The following BOLL variants were observed in gnomAD, a reference collection of about 807,000 sequenced individuals.
BOLL encodes the protein boule RNA binding protein.
In BOLL, 23 loss-of-function variants were observed where a neutral mutation model predicts 44.4. The ratio of observed to expected loss-of-function variants is 0.52; its 90% CI spans 0.37 to 0.73. The LOEUF (loss-of-function observed/expected upper bound fraction) is 0.73, where lower values mean the gene tolerates loss of function less well. Among genes scored for constraint, BOLL ranks in the 30% least tolerant of loss-of-function variants. The probability of loss-of-function intolerance (pLI) is 0.00; values close to 1 mark genes in which losing one functional copy is unlikely to be tolerated. For synonymous variants in BOLL, 97 were observed against 110.8 expected (o/e 0.88, Z 0.78); for missense variants, 287 against 338.3 (o/e 0.85, Z 1.19).
intron 8 of BOLL, 64 bp from the exon 9 acceptor site, chr2:197,756,620 T>G: frequency 1.4e-6 from 2 of 1,440,290 alleles, no homozygotes; most frequent in Non-Finnish European, 1.9e-6. Flanking sequence ...ACCAAATGAC[T>G]TAGCCAACAG....
In BOLL at chr2:197,785,304, G is replaced by C. The variant is rs886228417; in HGVS notation, c.-264C>G. ...CCTCAACGGCAGCGACCCCGCCGCT[G>C]GCCTCGTGCGCAGCTGGTCCCCACC... On this transcript the variant is annotated 5_prime_UTR_variant, in exon 1 of 11. Coordinates refer to ENST00000392296, the MANE Select transcript of BOLL (RefSeq NM_033030.6). The surrounding 1 kb of genome is among the most constrained non-coding windows in gnomAD (Gnocchi z 6.7). 9 of 985,534 alleles carry C rather than the reference G, an allele frequency of 9.1e-6. No homozygotes were observed. The African/African-American group carries it at 1.6e-4, about 17-fold the overall frequency. 61.0% of individuals were successfully genotyped at this position (985,534 alleles called of 1,614,324 possible).
In BOLL at chr2:197,731,587, A is replaced by G. The variant is rs796801408; in HGVS notation, c.829-3009T>C. ...AAGTAAAGCTCTCCTCAGCAAATGT[A>G]AAAGAACAGAAATTATAACAAACTA... On this transcript the variant is annotated intron_variant, in intron 10 of 10. Transcript: ENST00000392296. Among the ~76,000 whole-genome samples, 91 of 123,556 alleles carry G rather than the reference A, an allele frequency of 7.4e-4. 2 individuals carry two copies. Among genetic ancestry groups the G allele is most frequent in the Middle Eastern group, 7.4e-3 (2 of 270 alleles). The allele number at this position is 123,556 out of a possible 152,430, so 81.1% of individuals were successfully genotyped here.
intron 9 of BOLL, among the ~76,000 whole-genome samples, chr2:197,745,696 G>A (rs1271603961): frequency 6.6e-6 from 1 of 152,140 alleles, no homozygotes; most frequent in African/African-American, 2.4e-5. Flanking sequence ...AAATGCCTAT[G>A]ACTCCCAAAC....
intron 10 of BOLL, among the ~76,000 whole-genome samples, chr2:197,733,438 C>A (rs1190792802): frequency 6.6e-6 from 1 of 151,138 alleles, no homozygotes; most frequent in Non-Finnish European, 1.5e-5. Flanking sequence ...CAATGACTTT[C>A]TTCACAGAAT....
At position 197,785,101 on chromosome 2, in the gene BOLL, A is replaced by T; in HGVS notation, c.-61T>A. 1.0e-6 allele frequency: 1 copy of T among 985,990 alleles called. No homozygotes were observed. Among genetic ancestry groups the T allele is most frequent in the Non-Finnish European group, 1.2e-6 (1 of 829,930 alleles). 61.1% of individuals were successfully genotyped at this position (985,990 alleles called of 1,614,324 possible). A position where few individuals can be genotyped will look rare whatever the true frequency, so the allele number is the denominator to read the frequency against. The stretch of plus-strand genomic sequence containing the variant: ...CGCTCCTCCCCCTCCAAGGCCAGCA[A>T]GTTGCGGCACTGGGGGAAATGGCCG... On this transcript the variant is annotated 5_prime_UTR_variant, in exon 1 of 11. It adds an upstream start codon to the 5' untranslated region. Transcript: ENST00000392296. The surrounding 1 kb of genome is among the most constrained non-coding windows in gnomAD (Gnocchi z 6.7).
At chr2:197,775,821 G>T in intron 4 of BOLL, 81 bp from the exon 5 acceptor site, 1 of 820,504 alleles carries the variant, frequency 1.2e-6, no homozygotes, top group Non-Finnish European at 1.8e-6. Context: ...TAGTTAGAAA[G>T]AATTTCAAAA....
chr2:197,757,604 T>C (rs1210491983), intron 7 of BOLL, among the ~76,000 whole-genome samples: 1 of 152,042 alleles, frequency 6.6e-6, no homozygotes, highest in Non-Finnish European at 1.5e-5. Context: ...AAAACATAGG[T>C]GTAAATGCCT....
intron 7 of BOLL, chr2:197,759,023 A>T: frequency 6.5e-7 from 1 of 1,533,330 alleles, no homozygotes; most frequent in East Asian, 2.4e-5. Context: ...AAAAAAAGAG[A>T]GGCATGATGT....
intron 3 of BOLL, among the ~76,000 whole-genome samples, chr2:197,778,097 T>G (rs2106388127): frequency 6.6e-6 from 1 of 152,078 alleles, no homozygotes; most frequent in East Asian, 1.9e-4. Flanking sequence ...GCAAATTCTG[T>G]TAGTCAAACA....
chr2:197,772,544 C>T (rs1689313948), intron 5 of BOLL, among the ~76,000 whole-genome samples: 1 of 151,862 alleles, frequency 6.6e-6, no homozygotes, highest in African/African-American at 2.4e-5. Context: ...TGTCTTTTAT[C>T]TCTCTTTTCT....
intron 7 of BOLL, among the ~76,000 whole-genome samples, chr2:197,758,302 T>C (rs1196629142): frequency 6.6e-6 from 1 of 152,188 alleles, no homozygotes. Flanking sequence ...AGTGTATCCA[T>C]ACAATGGGAT....
chr2:197,743,268 TA>T, intron 9 of BOLL, 109 bp from the exon 10 acceptor site: 1 of 647,632 alleles, frequency 1.5e-6, no homozygotes, highest in Non-Finnish European at 2.4e-6. Flanking sequence ...TAGAAACAGT[TA>T]AAAACACATG....
chr2:197,733,976 C>T (rs1574798980), intron 10 of BOLL, among the ~76,000 whole-genome samples: 1 of 152,052 alleles, frequency 6.6e-6, no homozygotes, highest in Non-Finnish European at 1.5e-5. Flanking sequence ...TCTAATTAAA[C>T]TCAAGAGCTT....
At chr2:197,733,493 C>T (rs547175564) in intron 10 of BOLL, among the ~76,000 whole-genome samples, 32 of 151,294 alleles carry the variant, frequency 2.1e-4, no homozygotes, top group Non-Finnish European at 2.2e-4. Flanking sequence ...AAAAAGAGCC[C>T]GCATCGCCAA....
intron 6 of BOLL, among the ~76,000 whole-genome samples, 190 bp from the exon 7 acceptor site, chr2:197,766,793 C>T (rs1028622433): frequency 3.3e-5 from 5 of 152,022 alleles, no homozygotes; most frequent in African/African-American, 9.7e-5. Flanking sequence ...ATTTCTACTT[C>T]TACGTGGTTT....
rs1689803843 is a variant in BOLL at position 197,781,859 on chromosome 2, A to C, written c.-9T>G. ...AATGAATCTGTTTGCATCTGGTTTG[A>C]TGTTTGCTGTAAAATAAAATTCTTT... is the stretch of plus-strand genomic sequence containing the variant. On this transcript the variant is annotated 5_prime_UTR_variant, in exon 2 of 11. Coordinates refer to ENST00000392296, the MANE Select transcript of BOLL (RefSeq NM_033030.6). 6.3e-7 allele frequency: 1 copy of C among 1,587,762 alleles called. No individual in the cohort carries two copies. Among genetic ancestry groups the C allele is most frequent in the Non-Finnish European group, 8.6e-7 (1 of 1,162,432 alleles).
intron 7 of BOLL, chr2:197,759,109 G>C: frequency 1.1e-6 from 1 of 885,890 alleles, no homozygotes; most frequent in African/African-American, 1.7e-5. Flanking sequence ...AAAAGACTAA[G>C]GCAAAGAATA....
intron 9 of BOLL, among the ~76,000 whole-genome samples, chr2:197,751,805 A>G (rs1188399443): frequency 6.6e-6 from 1 of 151,960 alleles, no homozygotes; most frequent in African/African-American, 2.4e-5. Context: ...TGAGGCCAGC[A>G]TCATCCTGAT....
At position 197,757,403 on chromosome 2, in the gene BOLL, A is replaced by C; in HGVS notation, c.553-3T>G. The C allele has an allele frequency of 6.2e-7, 1 of 1,606,610 alleles. No individual in the cohort carries two copies. The highest frequency in any genetic ancestry group is 8.5e-7 in the Non-Finnish European group (1 of 1,177,092). ...CCTGGTAAATACTGTGTGGTGGCCT[A>C]AAATTAAATAAAAGAAAAGAAAAAC... On this transcript the variant is annotated splice_polypyrimidine_tract_variant and splice_region_variant and intron_variant, in intron 7 of 10. Coordinates refer to ENST00000392296, the MANE Select transcript of BOLL (RefSeq NM_033030.6).
Sources: allele counts gnomAD v4.1 joint callset (sites outside exome capture counted in the v4.1 genomes callset), GRCh38; gene constraint gnomAD v4.1.1; non-coding constraint Gnocchi (gnomAD v3.1); transcripts MANE v1.5; gene names NCBI Gene and HGNC (gene_info 2026-07-23, HGNC 2026-07-21).